HEPH: variants seen among roughly 807,000 people sequenced by gnomAD.
HEPH encodes the protein hephaestin.
HEPH carries 69 observed loss-of-function variants against 80.8 expected under a neutral mutation model. The observed-to-expected ratio is 0.85, with a 90% CI of 0.70 to 1.04. HEPH has a LOEUF of 1.04. Ranked by LOEUF, HEPH falls within the 50% of genes least tolerant of loss-of-function variation. The pLI, the probability that HEPH is intolerant of heterozygous loss-of-function variation, is 0.00. For missense variants in HEPH, 1,115 were observed against 891.3 expected (o/e 1.25, Z -3.20); for synonymous variants, 431 against 322.8 (o/e 1.34, Z -3.60).
intron 1 of HEPH, 96 bp from the exon 2 acceptor site, chrX:66,170,462 C>A: frequency 1.3e-6 from 1 of 749,158 alleles, no homozygotes; most frequent in Non-Finnish European, 1.9e-6. Context: ...CTCAGTCACT[C>A]AACCTGGCTC....
At chrX:66,233,914 A>AT (rs2148031716) in intron 15 of HEPH, among the ~76,000 whole-genome samples, 1 of 110,319 alleles carries the variant, frequency 9.1e-6, no homozygotes, top group South Asian at 3.9e-4. Context: ...TTAATTTTTA[A>AT]TTTTTTATTT....
At chrX:66,199,728 A>G (rs764804498) in intron 11 of HEPH, among the ~76,000 whole-genome samples, 1 of 112,455 alleles carries the variant, frequency 8.9e-6, no homozygotes, top group Admixed American at 9.4e-5. Flanking sequence ...TTGTGGGATA[A>G]AATTTTCATG....
At chrX:66,248,315 C>T (rs2090887307) in intron 15 of HEPH, among the ~76,000 whole-genome samples, 1 of 112,165 alleles carries the variant, frequency 8.9e-6, no homozygotes, top group South Asian at 3.7e-4. Flanking sequence ...GGTGTGATAA[C>T]ATCTCATACT....
intron 10 of HEPH, 145 bp downstream of exon 10, chrX:66,198,039 T>C (rs1602301031): frequency 2.0e-6 from 1 of 492,373 alleles, no homozygotes; most frequent in South Asian, 3.1e-5. Context: ...AATTAATAGT[T>C]GGTGACCTCA....
intron 15 of HEPH, among the ~76,000 whole-genome samples, chrX:66,231,421 C>T (rs1222366106): frequency 9.7e-6 from 1 of 102,576 alleles, no homozygotes; most frequent in Non-Finnish European, 2.0e-5. Context: ...ATGGAATGTT[C>T]TTCCATTTGT....
At chrX:66,268,748 G>C (rs2091590074), downstream of HEPH, 1 of 111,773 alleles carries the variant, frequency 8.9e-6, no homozygotes, top group Non-Finnish European at 1.9e-5. Flanking sequence ...ATTTAAGAAA[G>C]AAATGTATTT....
intron 15 of HEPH, among the ~76,000 whole-genome samples, chrX:66,224,625 C>T (rs1300862965): frequency 1.8e-5 from 2 of 111,879 alleles, no homozygotes; most frequent in Admixed American, 9.4e-5. Flanking sequence ...TTGGGCCATC[C>T]AGGGGTTACT....
intron 20 of HEPH, among the ~76,000 whole-genome samples, chrX:66,264,508 C>A (rs1470236466): frequency 9.2e-6 from 1 of 109,018 alleles, no homozygotes; most frequent in African/African-American, 3.3e-5. Flanking sequence ...GATTATTTTT[C>A]TGTGCAGCCC....
chrX:66,267,444 A>G (rs1449104303), downstream of HEPH: 1 of 112,058 alleles, frequency 8.9e-6, no homozygotes, highest in East Asian at 2.8e-4. Flanking sequence ...TGTGATTGAA[A>G]CAGAAAATAC....
chrX:66,200,757 G>A lies in HEPH; in HGVS notation c.2077+5G>A. 1 of 1,200,637 alleles carries A rather than the reference G, an allele frequency of 8.3e-7. No individual in the cohort carries two copies. The highest frequency in any genetic ancestry group is 1.1e-6 in the Non-Finnish European group (1 of 886,801). On this transcript the variant is annotated splice_donor_5th_base_variant and intron_variant, in intron 12 of 20. Transcript: ENST00000343002. ...TCATGCAGCCTGACAACCTTGGTAAGTGCCTTAGCAGCTGGCCCTAGAGGC... is the reference window on the plus strand; with the variant it reads ...TCATGCAGCCTGACAACCTTGGTAAATGCCTTAGCAGCTGGCCCTAGAGGC...
intron 17 of HEPH, among the ~76,000 whole-genome samples, chrX:66,256,542 C>A (rs1167789313): frequency 9.0e-6 from 1 of 111,418 alleles, no homozygotes; most frequent in Non-Finnish European, 1.9e-5. Flanking sequence ...GATTGGGTGC[C>A]CAGAAAGCAG....
chrX:66,251,879 G>A (rs1205188438), intron 15 of HEPH, among the ~76,000 whole-genome samples: 1 of 112,187 alleles, frequency 8.9e-6, no homozygotes, highest in South Asian at 3.7e-4. Context: ...GCAAGCCATG[G>A]TAGGGAATTT....
intron 15 of HEPH, among the ~76,000 whole-genome samples, chrX:66,247,190 G>A (rs993349670): frequency 3.6e-5 from 4 of 109,642 alleles, no homozygotes; most frequent in Non-Finnish European, 7.6e-5. Context: ...TGAGCTTCTC[G>A]GATGTGTAGA....
chrX:66,210,995 G>T (rs1337179362), intron 15 of HEPH, among the ~76,000 whole-genome samples: 2 of 111,431 alleles, frequency 1.8e-5, no homozygotes, highest in African/African-American at 6.5e-5. Flanking sequence ...TGAGAGAGCT[G>T]TACGGATAGA....
chrX:66,180,787 G>A (rs1434194795), intron 4 of HEPH, among the ~76,000 whole-genome samples: 1 of 87,715 alleles, frequency 1.1e-5, no homozygotes, highest in African/African-American at 4.2e-5. Flanking sequence ...ATGCTGGTGC[G>A]CTGCACCCAC....
chrX:66,256,067 C>A, intron 16 of HEPH, 38 bp from the exon 17 acceptor site: 3 of 1,089,818 alleles, frequency 2.8e-6, no homozygotes, highest in Non-Finnish European at 3.8e-6. Context: ...GAAACAACTC[C>A]ATCTCTTTCT....
At chrX:66,237,897 T>G in intron 15 of HEPH, among the ~76,000 whole-genome samples, 2 of 112,420 alleles carry the variant, frequency 1.8e-5, no homozygotes, top group Middle Eastern at 9.1e-3. Flanking sequence ...TTCTTGATCT[T>G]TGTTGGTTTA....
chrX:66,233,509 C>G (rs1371274014), intron 15 of HEPH, among the ~76,000 whole-genome samples: 1 of 111,460 alleles, frequency 9.0e-6, no homozygotes, highest in Non-Finnish European at 1.9e-5. Flanking sequence ...TTTATGAGCA[C>G]TGGGCTTACT....
At chrX:66,227,065 A>G (rs181658367) in intron 15 of HEPH, among the ~76,000 whole-genome samples, 1 of 112,264 alleles carries the variant, frequency 8.9e-6, no homozygotes, top group East Asian at 2.8e-4. Context: ...ATCCAACAGC[A>G]TATCAAAAAT....
Sources: gnomAD v4.1 joint callset for allele counts (sites outside exome capture counted in the v4.1 genomes callset) on GRCh38, gnomAD v4.1.1 for gene constraint, MANE v1.5 for transcripts, NCBI Gene and HGNC (gene_info 2026-07-23, HGNC 2026-07-21) for gene names.